The following CACNB4 variants were observed in gnomAD, a reference collection of about 807,000 sequenced individuals.
The protein encoded by CACNB4 is voltage-dependent L-type calcium channel subunit beta-4.
Under a neutral mutation model 71.2 loss-of-function variants are expected in CACNB4, and 32 were observed. That is an observed-to-expected ratio of 0.45 (90% CI 0.34 to 0.60). The LOEUF is 0.60. CACNB4 is among the 20% of genes least tolerant of loss of function. CACNB4 has a pLI of 0.01. For synonymous variants in CACNB4, 231 were observed against 236.9 expected, an observed-to-expected ratio of 0.97 and a Z score of 0.23; for missense variants, 464 against 647.9, an observed-to-expected ratio of 0.72 and a Z score of 3.08.
chr2:152,041,570 A>T (rs1684875472), intron 2 of CACNB4, among the ~76,000 whole-genome samples: 1 of 152,216 alleles, frequency 6.6e-6, no homozygotes, highest in Non-Finnish European at 1.5e-5. Context: ...TTACCATGAA[A>T]GTTCTGAGTT....
At chr2:152,054,750 AT>A (rs891580292) in intron 2 of CACNB4, among the ~76,000 whole-genome samples, 1 of 152,122 alleles carries the variant, frequency 6.6e-6, no homozygotes, top group Non-Finnish European at 1.5e-5. Flanking sequence ...TGTCTTTTTT[AT>A]TATAGCCATC....
In CACNB4 at chr2:152,098,380, A is replaced by G; in HGVS notation, c.97T>C (p.Leu33=). Residue 33 remains leucine, a synonymous_variant, in exon 2 of 14, where the codon TTG becomes CTG. Transcript: ENST00000539935. The surrounding 1 kb of genome is among the most constrained non-coding windows in gnomAD (Gnocchi z 5.3). Reference sequence around the variant, plus strand: ...GTGGTGCTGCCATCGGATCTTTTCAACCTGCTCCTCCGGGTTGTGGTGCCT... The same window carrying G: ...GTGGTGCTGCCATCGGATCTTTTCAGCCTGCTCCTCCGGGTTGTGGTGCCT... ...ARGTTTRRSR[L]KRSDGSTTST... The G allele has an allele frequency of 1.2e-6, 2 of 1,613,694 alleles. No individual in the cohort carries two copies. Among genetic ancestry groups the G allele is most frequent in the Non-Finnish European group, 1.7e-6 (2 of 1,179,696 alleles).
chr2:151,943,180 G>T (rs2099864703), intron 2 of CACNB4, among the ~76,000 whole-genome samples: 1 of 152,144 alleles, frequency 6.6e-6, no homozygotes, highest in Non-Finnish European at 1.5e-5. Flanking sequence ...ACCTCCGGCG[G>T]CCCAGCTGTA....
At chr2:152,029,228 C>T (rs997166959) in intron 2 of CACNB4, among the ~76,000 whole-genome samples, 3 of 152,126 alleles carry the variant, frequency 2.0e-5, no homozygotes, top group African/African-American at 4.8e-5. Flanking sequence ...GGCGTGGTGG[C>T]TCACGCCTGT....
chr2:151,966,490 A>G (rs1473072955), intron 2 of CACNB4, among the ~76,000 whole-genome samples: 1 of 152,114 alleles, frequency 6.6e-6, no homozygotes, highest in African/African-American at 2.4e-5. Context: ...CATCTTGGCC[A>G]GGCTGGTCTC....
intron 2 of CACNB4, among the ~76,000 whole-genome samples, chr2:151,984,630 T>C (rs1681233913): frequency 6.6e-6 from 1 of 152,154 alleles, no homozygotes; most frequent in South Asian, 2.1e-4. Context: ...GTCATCTGCT[T>C]CCTTTCACAT....
chr2:152,048,499 GAGAGAATAAAAAGT>G (rs1270876751), intron 2 of CACNB4: 4 of 152,254 alleles, frequency 2.6e-5, no homozygotes, highest in Admixed American at 2.6e-4. Flanking sequence ...CACTAAAAGG[GAGAGAATAAAAAGT>G]ACCTGCAACA....
In CACNB4 at chr2:152,098,238, C is replaced by G; in HGVS notation, c.147+92G>C. 1 of 991,732 alleles carries G rather than the reference C, an allele frequency of 1.0e-6. No homozygotes were observed. Among genetic ancestry groups the G allele is most frequent in the South Asian group, 1.4e-5 (1 of 73,812 alleles). 61.4% of individuals were successfully genotyped at this position (991,732 alleles called of 1,614,324 possible). ...AGACGCGCGCGGGCTTGACCCGCAG[C>G]TCCCGCACGTGTGGGCCACGGCCGG... On this transcript the variant is annotated intron_variant, in intron 2 of 13. Transcript: ENST00000539935. This position sits in a 1 kb window ranked among gnomAD's most constrained non-coding sequence, Gnocchi z 5.3.
chr2:152,057,940 G>C (rs914513529), intron 2 of CACNB4, among the ~76,000 whole-genome samples: 1 of 152,170 alleles, frequency 6.6e-6, no homozygotes, highest in South Asian at 2.1e-4. Context: ...TAATCCCCAT[G>C]TGTCATGGGA....
intron 2 of CACNB4, among the ~76,000 whole-genome samples, chr2:152,039,394 C>T (rs553030988): frequency 2.7e-5 from 4 of 147,552 alleles, no homozygotes; most frequent in Non-Finnish European, 4.4e-5. Flanking sequence ...CCAGCCTGGG[C>T]GACAGAGCAA....
At chr2:151,989,808 C>T (rs140548769) in intron 2 of CACNB4, among the ~76,000 whole-genome samples, 23 of 152,308 alleles carry the variant, frequency 1.5e-4, no homozygotes, top group South Asian at 6.2e-4. Context: ...CCATCTCCTT[C>T]GAAAATCAAG....
At chr2:152,062,756 C>T (rs1686090266) in intron 2 of CACNB4, among the ~76,000 whole-genome samples, 1 of 152,094 alleles carries the variant, frequency 6.6e-6, no homozygotes, top group South Asian at 2.1e-4. Flanking sequence ...GCAGAGGACA[C>T]GGGAGGAGAG....
At chr2:151,892,947 C>A (rs186289692) in intron 2 of CACNB4, among the ~76,000 whole-genome samples, 4 of 151,894 alleles carry the variant, frequency 2.6e-5, no homozygotes, top group African/African-American at 7.3e-5. Flanking sequence ...CAGAATGCTA[C>A]GCAAGTTGAC....
chr2:151,863,233 T>C (rs2151382625), intron 9 of CACNB4, among the ~76,000 whole-genome samples: 1 of 152,160 alleles, frequency 6.6e-6, no homozygotes, highest in Non-Finnish European at 1.5e-5. Context: ...ACATGGCTAA[T>C]TTTTGTATTT....
intron 2 of CACNB4, among the ~76,000 whole-genome samples, chr2:152,030,093 A>T (rs555815533): frequency 6.6e-6 from 1 of 152,276 alleles, no homozygotes; most frequent in South Asian, 2.1e-4. Flanking sequence ...GGCAATTGTG[A>T]GCACTCTTAC....
chr2:152,093,400 G>GGTGTGT (rs34845177), intron 2 of CACNB4, among the ~76,000 whole-genome samples: 2,562 of 146,632 alleles, frequency 0.017, 47 homozygotes, highest in African/African-American at 0.042. Flanking sequence ...GCTGTTTTTT[G>GGTGTGT]GTGTGTGTGT....
At chr2:152,005,371 C>T (rs1682663755) in intron 2 of CACNB4, among the ~76,000 whole-genome samples, 1 of 152,142 alleles carries the variant, frequency 6.6e-6, no homozygotes, top group South Asian at 2.1e-4. Flanking sequence ...TTCTTTGCAG[C>T]AATGTGGATG....
At position 152,098,339 on chromosome 2, in the gene CACNB4, G is replaced by A. The variant is rs1688395534; in HGVS notation, c.138C>T (p.Ile46=). The change falls in exon 2 of 14, where the codon ATC becomes ATT. Residue 46 remains isoleucine, a synonymous_variant. Transcript: ENST00000539935. This position sits in a 1 kb window ranked among gnomAD's most constrained non-coding sequence, Gnocchi z 5.3. ...SDGSTTSTSF[I]LRQGSADSYT... is the part of the protein sequence containing the mutation. ...CGCCTCCTTCTCATACCTGTCTGAG[G>A]ATGAAGCTGGTCGAAGTGGTGCTGC... 2.5e-6 allele frequency: 4 copies of A among 1,613,194 alleles called. No individual in the cohort carries two copies. The highest frequency in any genetic ancestry group is 1.7e-5 in the Admixed American group (1 of 60,012).
chr2:151,924,919 C>T (rs144825502), intron 2 of CACNB4, among the ~76,000 whole-genome samples: 102 of 152,222 alleles, frequency 6.7e-4, no homozygotes, highest in Non-Finnish European at 1.0e-3. Context: ...AGGAATCCCA[C>T]GCAATGCTTC....
Sources: allele counts gnomAD v4.1 joint callset (sites outside exome capture counted in the v4.1 genomes callset), GRCh38; gene constraint gnomAD v4.1.1; non-coding constraint Gnocchi (gnomAD v3.1); transcripts MANE v1.5; gene names NCBI Gene and HGNC (gene_info 2026-07-23, HGNC 2026-07-21).